Variants in KIRREL3 observed in about 807,000 individuals in gnomAD.
The protein encoded by KIRREL3 is kin of IRRE-like protein 3.
KIRREL3 carries 36 observed loss-of-function variants against 89.7 expected under a neutral mutation model. The observed-to-expected ratio is 0.40, with a 90% CI of 0.31 to 0.53. The LOEUF is 0.53. KIRREL3 is among the 20% of genes least tolerant of loss of function. The pLI is 0.49. For synonymous variants in KIRREL3, 445 were observed against 441.4 expected (o/e 1.01, Z -0.10); for missense variants, 864 against 1,056.6 (o/e 0.82, Z 2.53).
At chr11:126,852,759 G>T (rs909460597) in intron 1 of KIRREL3, among the ~76,000 whole-genome samples, 1 of 152,174 alleles carries the variant, frequency 6.6e-6, no homozygotes, top group Non-Finnish European at 1.5e-5. Flanking sequence ...TGGGGTCAAG[G>T]CACTGTACTA....
intron 1 of KIRREL3, among the ~76,000 whole-genome samples, chr11:126,818,276 A>G (rs1429489273): frequency 6.6e-6 from 1 of 152,206 alleles, no homozygotes; most frequent in Non-Finnish European, 1.5e-5. Flanking sequence ...TGGCCCATCA[A>G]TAAGGCAAAC....
At chr11:126,809,860 C>A (rs1337831322) in intron 1 of KIRREL3, among the ~76,000 whole-genome samples, 1 of 152,210 alleles carries the variant, frequency 6.6e-6, no homozygotes, top group Non-Finnish European at 1.5e-5. Context: ...CTTCCCCACT[C>A]AATCTCCAGA....
rs138499842 is a variant in KIRREL3, at chr11:126,805,494, C to G, written c.55+194961G>C. Among the ~76,000 whole-genome samples the G allele has an allele frequency of 6.6e-6, 1 of 152,176 alleles. No homozygotes were observed. On this transcript the variant is annotated intron_variant, in intron 1 of 16. Transcript: ENST00000525144. This position sits in a 1 kb window ranked among gnomAD's most constrained non-coding sequence, Gnocchi z 4.3. ...TTTGTTCTGAACCCCAAGGTTCAGT[C>G]AGGTGCGCTGTCCCATCACAGGAAA...
intron 1 of KIRREL3, among the ~76,000 whole-genome samples, chr11:126,856,777 G>A (rs1944532566): frequency 2.6e-5 from 4 of 151,630 alleles, no homozygotes; most frequent in South Asian, 2.1e-4. Flanking sequence ...CACCATGCGC[G>A]GCTAATTTTT....
Position 126,519,786 on chromosome 11 carries a change from C to T in KIRREL3, c.433+1529G>A, listed in dbSNP as rs1362196854. Among the ~76,000 whole-genome samples the T allele has an allele frequency of 6.6e-6, 1 of 152,150 alleles. No individual in the cohort carries two copies. The highest frequency in any genetic ancestry group is 1.5e-5 in the Non-Finnish European group (1 of 68,022). On this transcript the variant is annotated intron_variant, in intron 4 of 16. Coordinates refer to ENST00000525144, the MANE Select transcript of KIRREL3 (RefSeq NM_032531.4). The surrounding 1 kb of genome is among the most constrained non-coding windows in gnomAD (Gnocchi z 4.3). ...TCAGAAACAATATGAGGCCCTAATT[C>T]CTCCTCCTCTCCTCCCACAACCCCC...
chr11:126,615,788 G>A lies in KIRREL3; in HGVS notation c.56-52876C>T, dbSNP rs1039740692. Among the ~76,000 whole-genome samples the A allele has an allele frequency of 6.6e-6, 1 of 152,212 alleles. No individual in the cohort carries two copies. The highest frequency in any genetic ancestry group is 1.5e-5 in the Non-Finnish European group (1 of 68,042). On this transcript the variant is annotated intron_variant, in intron 1 of 16. Transcript: ENST00000525144. The surrounding 1 kb of genome is among the most constrained non-coding windows in gnomAD (Gnocchi z 5.4). ...GAGCCTTACTACCTTTGGCTACATAGGCTCTGGGATGGCAGTGCTCTCTCA... is the reference window on the plus strand; with the variant it reads ...GAGCCTTACTACCTTTGGCTACATAAGCTCTGGGATGGCAGTGCTCTCTCA...
Position 126,440,452 on chromosome 11 carries a change from G to A in KIRREL3, c.1350C>T (p.Arg450=), listed in dbSNP as rs374016618. ...CFIRSTPPPD[R]IAWSWKENVL... ...CCGCCGTCCCTGGAGCACTCACGAT[G>A]CGGTCCGGCGGCGGCGTGCTCCGGA... Residue 450 remains arginine, a synonymous_variant, in exon 11 of 17, where the codon CGC becomes CGT. Transcript: ENST00000525144. The A allele has an allele frequency of 3.3e-4, 511 of 1,571,956 alleles. 1 individual carries two copies. Among genetic ancestry groups the A allele is most frequent in the Middle Eastern group, 5.0e-4 (3 of 6,016 alleles).
chr11:126,701,217 G>C (rs965172721), intron 1 of KIRREL3, among the ~76,000 whole-genome samples: 1 of 152,186 alleles, frequency 6.6e-6, no homozygotes, highest in East Asian at 1.9e-4. Context: ...GTGTGTTTGC[G>C]TGTGTGCATG....
In KIRREL3 at chr11:126,628,874, G is replaced by A. The variant is rs1943902172; in HGVS notation, c.56-65962C>T. 6.6e-6 allele frequency among the ~76,000 whole-genome samples: 1 copy of A among 152,194 alleles called. No homozygotes were observed. The highest frequency in any genetic ancestry group is 2.4e-5 in the African/African-American group (1 of 41,452). On this transcript the variant is annotated intron_variant, in intron 1 of 16. Transcript: ENST00000525144. The surrounding 1 kb of genome is among the most constrained non-coding windows in gnomAD (Gnocchi z 5.2). ...CTGAGCAACTGAGGATGTTGTGAAA[G>A]CATCTGACAGCACAGGGAGGCAGGG...
At chr11:126,825,902 A>AG (rs1034497344) in intron 1 of KIRREL3, among the ~76,000 whole-genome samples, 5 of 152,174 alleles carry the variant, frequency 3.3e-5, no homozygotes, top group African/African-American at 1.2e-4. Flanking sequence ...TTTCTCTCCA[A>AG]GGGGGGATTC....
At chr11:126,793,341 G>A (rs1490227621) in intron 1 of KIRREL3, among the ~76,000 whole-genome samples, 1 of 152,222 alleles carries the variant, frequency 6.6e-6, no homozygotes, top group East Asian at 1.9e-4. Context: ...AACAGTGCAG[G>A]CAATCTGGGT....
In KIRREL3 at chr11:126,610,312, G is replaced by A. The variant is rs1943073909; in HGVS notation, c.56-47400C>T. Among the ~76,000 whole-genome samples, 1 of 152,186 alleles carries A rather than the reference G, an allele frequency of 6.6e-6. No homozygotes were observed. The highest frequency in any genetic ancestry group is 1.5e-5 in the Non-Finnish European group (1 of 68,028). On this transcript the variant is annotated intron_variant, in intron 1 of 16. Coordinates refer to ENST00000525144, the MANE Select transcript of KIRREL3 (RefSeq NM_032531.4). This position sits in a 1 kb window ranked among gnomAD's most constrained non-coding sequence, Gnocchi z 4.6. ...TCGGCATGTTCGTCAGGCTGGTCTT[G>A]AACTCCTGGTCTCAAACAATCTGTC...
At chr11:126,583,443 T>C (rs1358887966) in intron 1 of KIRREL3, among the ~76,000 whole-genome samples, 3 of 152,160 alleles carry the variant, frequency 2.0e-5, no homozygotes, top group African/African-American at 7.2e-5. Context: ...GAACCAATGA[T>C]AACACCCTGC....
chr11:126,459,561 G>C lies in KIRREL3; in HGVS notation c.743-3107C>G, dbSNP rs1010141596. On this transcript the variant is annotated intron_variant, in intron 6 of 16. Coordinates refer to ENST00000525144, the MANE Select transcript of KIRREL3 (RefSeq NM_032531.4). This position sits in a 1 kb window ranked among gnomAD's most constrained non-coding sequence, Gnocchi z 4.8. Reference sequence around the variant, plus strand: ...CTGCCAAGCTCCAGAGGTATAAATAGTTTATGTCATATCCAACTATTAAAC... The same window carrying C: ...CTGCCAAGCTCCAGAGGTATAAATACTTTATGTCATATCCAACTATTAAAC... Among the ~76,000 whole-genome samples the C allele has an allele frequency of 6.6e-6, 1 of 152,204 alleles. No individual in the cohort carries two copies. The highest frequency in any genetic ancestry group is 1.5e-5 in the Non-Finnish European group (1 of 68,048).
intron 1 of KIRREL3, among the ~76,000 whole-genome samples, chr11:126,992,720 T>C (rs1481217672): frequency 1.3e-5 from 2 of 152,210 alleles, no homozygotes; most frequent in Non-Finnish European, 2.9e-5. Context: ...CCTAGGTTTT[T>C]GTGCTCACCT....
chr11:126,436,265 C>T (rs996443469), intron 12 of KIRREL3, among the ~76,000 whole-genome samples: 3 of 152,202 alleles, frequency 2.0e-5, no homozygotes, highest in African/African-American at 7.2e-5. Context: ...AGCCCCCGAC[C>T]CTAGGGATCT....
In KIRREL3 at chr11:126,987,344, T is replaced by C. The variant is rs573467984; in HGVS notation, c.55+13111A>G. Among the ~76,000 whole-genome samples the C allele has an allele frequency of 6.6e-6, 1 of 152,348 alleles. No homozygotes were observed. Among genetic ancestry groups the C allele is most frequent in the African/African-American group, 2.4e-5 (1 of 41,580 alleles). ...TTTAACTAAAAAATACAACCGTCTA[T>C]GTATTTTCAAACTTTCCTTGGCATG... On this transcript the variant is annotated intron_variant, in intron 1 of 16. Transcript: ENST00000525144. The surrounding 1 kb of genome is among the most constrained non-coding windows in gnomAD (Gnocchi z 4.6).
At position 126,578,094 on chromosome 11, in the gene KIRREL3, G is replaced by A. The variant is rs1941352944; in HGVS notation, c.56-15182C>T. Among the ~76,000 whole-genome samples, 1 of 152,168 alleles carries A rather than the reference G, an allele frequency of 6.6e-6. No homozygotes were observed. Among genetic ancestry groups the A allele is most frequent in the Non-Finnish European group, 1.5e-5 (1 of 68,026 alleles). On this transcript the variant is annotated intron_variant, in intron 1 of 16. Coordinates refer to ENST00000525144, the MANE Select transcript of KIRREL3 (RefSeq NM_032531.4). The surrounding 1 kb of genome is among the most constrained non-coding windows in gnomAD (Gnocchi z 4.9). The stretch of plus-strand genomic sequence containing the variant: ...GAGCTTAAATATTCCCTACAGCCTT[G>A]CAACTTTGCCTCATTAGTCCCAAAT...
rs1241978642 is a variant in KIRREL3, at chr11:126,993,993, C to A, written c.55+6462G>T. 6.6e-6 allele frequency among the ~76,000 whole-genome samples: 1 copy of A among 152,046 alleles called. No homozygotes were observed. Among genetic ancestry groups the A allele is most frequent in the African/African-American group, 2.4e-5 (1 of 41,380 alleles). On this transcript the variant is annotated intron_variant, in intron 1 of 16. Coordinates refer to ENST00000525144, the MANE Select transcript of KIRREL3 (RefSeq NM_032531.4). The surrounding 1 kb of genome is among the most constrained non-coding windows in gnomAD (Gnocchi z 6.1). ...TCTAGATAATTCAGCATGATGCGCA[C>A]ACATCCTTTCTTATACTGACATACA...
Sources: gnomAD v4.1 joint callset for allele counts (sites outside exome capture counted in the v4.1 genomes callset) on GRCh38, gnomAD v4.1.1 for gene constraint, Gnocchi (gnomAD v3.1) non-coding constraint, MANE v1.5 for transcripts, NCBI Gene and HGNC (gene_info 2026-07-23, HGNC 2026-07-21) for gene names.